Variants in KDM5B observed in about 807,000 individuals in gnomAD.
The protein encoded by KDM5B is lysine-specific demethylase 5B.
In KDM5B, 144 loss-of-function variants were observed where a neutral mutation model predicts 193.4. That is an observed-to-expected ratio of 0.74 (90% CI 0.65 to 0.86). The LOEUF is 0.86. Ranked by LOEUF, KDM5B falls within the 40% of genes least tolerant of loss-of-function variation. KDM5B has a pLI of 0.00. For synonymous variants in KDM5B, 668 were observed against 682.6 expected (o/e 0.98, Z 0.33); for missense variants, 1,833 against 1,886.9 (o/e 0.97, Z 0.53).
chr1:202,782,608 T>C (rs1020845760), intron 1 of KDM5B, among the ~76,000 whole-genome samples: 1 of 152,198 alleles, frequency 6.6e-6, no homozygotes, highest in Non-Finnish European at 1.5e-5. Context: ...CCTCAAATTA[T>C]GTAGTCAAAT....
chr1:202,771,629 T>A (rs1040217342), intron 4 of KDM5B, among the ~76,000 whole-genome samples: 11 of 152,038 alleles, frequency 7.2e-5, no homozygotes, highest in African/African-American at 2.7e-4. Flanking sequence ...TCACCCAGGC[T>A]GGAGTGCAGT....
chr1:202,789,675 TA>T (rs1553362167), intron 1 of KDM5B, among the ~76,000 whole-genome samples: 6 of 61,666 alleles, frequency 9.7e-5, no homozygotes, highest in South Asian at 5.0e-4. Context: ...CGGGACCCTA[TA>T]AAAAAAATTT....
intron 10 of KDM5B, 99 bp downstream of exon 10, chr1:202,756,258 TG>T: frequency 1.1e-6 from 1 of 940,976 alleles, no homozygotes; most frequent in Non-Finnish European, 1.6e-6. Flanking sequence ...ATTAAAAATC[TG>T]GTAATTAAGG....
At chr1:202,799,480 C>A (rs1657987739) in intron 1 of KDM5B, among the ~76,000 whole-genome samples, 1 of 151,938 alleles carries the variant, frequency 6.6e-6, no homozygotes, top group South Asian at 2.1e-4. Context: ...ATGGAGAAAC[C>A]CCATCTCTAC....
At chr1:202,771,381 G>A (rs1411083538) in intron 4 of KDM5B, among the ~76,000 whole-genome samples, 1 of 144,190 alleles carries the variant, frequency 6.9e-6, no homozygotes, top group East Asian at 2.1e-4. Flanking sequence ...ACAAGTGCCT[G>A]CCACCACATC....
chr1:202,753,097 C>T (rs749370447), intron 11 of KDM5B, 30 bp from the exon 12 acceptor site: 83 of 1,588,428 alleles, frequency 5.2e-5, no homozygotes, highest in Non-Finnish European at 6.4e-5. Context: ...ATAAATCAAT[C>T]TGCAACACCA....
chr1:202,762,553 G>A, intron 7 of KDM5B, 146 bp downstream of exon 7: 1 of 640,902 alleles, frequency 1.6e-6, no homozygotes, highest in South Asian at 1.9e-5. Context: ...ACTGACTTCA[G>A]AAGATATTTT....
At chr1:202,762,379 T>C (rs1371851809) in intron 7 of KDM5B, among the ~76,000 whole-genome samples, 2 of 152,262 alleles carry the variant, frequency 1.3e-5, no homozygotes, top group Non-Finnish European at 2.9e-5. Context: ...AGTGAGCTAG[T>C]GATTTATGAG....
At chr1:202,790,225 T>C (rs1265668878) in intron 1 of KDM5B, among the ~76,000 whole-genome samples, 2 of 151,370 alleles carry the variant, frequency 1.3e-5, no homozygotes, top group Non-Finnish European at 2.9e-5. Flanking sequence ...ATCACGCCAC[T>C]GCACCCAAGC....
intron 19 of KDM5B, among the ~76,000 whole-genome samples, 188 bp downstream of exon 19, chr1:202,741,176 TAAG>T (rs1389455773): frequency 6.6e-6 from 1 of 152,294 alleles, no homozygotes; most frequent in African/African-American, 2.4e-5. Flanking sequence ...ATCAGTAAAA[TAAG>T]AAAAAATTAA....
chr1:202,771,940 A>T (rs9660046), intron 4 of KDM5B, among the ~76,000 whole-genome samples: 11,895 of 149,434 alleles, frequency 0.08, 550 homozygotes, highest in African/African-American at 0.12. Context: ...ATAATGTATT[A>T]AAAAAAAAAG....
chr1:202,776,280 C>G (rs1426267731), intron 2 of KDM5B: 3 of 152,092 alleles, frequency 2.0e-5, no homozygotes, highest in Non-Finnish European at 2.9e-5. Flanking sequence ...AATTCAGCCC[C>G]TACCACGTGA....
intron 1 of KDM5B, among the ~76,000 whole-genome samples, chr1:202,780,500 A>T (rs889332010): frequency 1.3e-5 from 2 of 152,150 alleles, no homozygotes; most frequent in Non-Finnish European, 2.9e-5. Context: ...ATGACCCAGC[A>T]ATTTTCTGAT....
intron 19 of KDM5B, 21 bp from the exon 20 acceptor site, chr1:202,740,833 C>T: frequency 6.3e-7 from 1 of 1,588,144 alleles, no homozygotes; most frequent in Non-Finnish European, 8.6e-7. Context: ...CAAACAAAGA[C>T]TTCTTAGCAT....
chr1:202,745,960 G>A lies in KDM5B; in HGVS notation c.2221C>T (p.Leu741Phe). 1 of 1,613,880 alleles carries A rather than the reference G, an allele frequency of 6.2e-7. No individual in the cohort carries two copies. The highest frequency in any genetic ancestry group is 8.5e-7 in the Non-Finnish European group (1 of 1,179,808). ...KLRYRYTLDDLYPMMNALKLR... is the reference protein window; with the variant it reads ...KLRYRYTLDDFYPMMNALKLR... ...TTCAATGCATTCATCATAGGGTAGA[G>A]ATCATCCAGCGTGTACCTATACCTG... Residue 741 changes from leucine (L) to phenylalanine (F), a missense_variant, in exon 16 of 27, where the codon CTC becomes TTC. Leu to Phe is a conservative substitution (Grantham distance 22). Transcript: ENST00000367265.
chr1:202,736,092 C>G, intron 21 of KDM5B, 121 bp downstream of exon 21: 1 of 682,704 alleles, frequency 1.5e-6, no homozygotes, highest in Admixed American at 3.6e-5. Flanking sequence ...CCTGGCTTTA[C>G]GGGAAGAACA....
intron 14 of KDM5B, among the ~76,000 whole-genome samples, chr1:202,748,136 C>T (rs1376644417): frequency 6.6e-6 from 1 of 151,946 alleles, no homozygotes; most frequent in Non-Finnish European, 1.5e-5. Context: ...AACAAAGGTG[C>T]CAAAGCAATT....
At chr1:202,776,981 G>C in intron 2 of KDM5B, 36 bp downstream of exon 2, 2 of 1,325,260 alleles carry the variant, frequency 1.5e-6, no homozygotes, top group Non-Finnish European at 2.2e-6. Flanking sequence ...GGTCCCCCTG[G>C]AATACAGGCA....
rs773412701 is a variant in KDM5B, at chr1:202,729,989, A to G, written c.4215T>C (p.Ser1405=). The change falls in exon 26 of 27, where the codon AGT becomes AGC. Residue 1405 remains serine, a synonymous_variant. Transcript: ENST00000367265. ...CCRGKRDGIN[S]LERKLKRRLE... is the part of the protein sequence containing the mutation. ...GGCGTCTCTTCAGTTTTCTCTCAAG[A>G]CTGTTAATTCCATCTCGCTTCCCTC... The G allele has an allele frequency of 3.7e-6, 6 of 1,613,190 alleles. No homozygotes were observed. The highest frequency in any genetic ancestry group is 5.1e-6 in the Non-Finnish European group (6 of 1,179,742).
Sources: allele counts gnomAD v4.1 joint callset (sites outside exome capture counted in the v4.1 genomes callset), GRCh38; gene constraint gnomAD v4.1.1; transcripts MANE v1.5; gene names NCBI Gene and HGNC (gene_info 2026-07-23, HGNC 2026-07-21).